Variants in SLC8A3 observed in about 807,000 individuals in gnomAD.
The protein encoded by SLC8A3 is sodium/calcium exchanger 3.
SLC8A3 carries 37 observed loss-of-function variants against 65.4 expected under a neutral mutation model. That is an observed-to-expected ratio of 0.57 (90% confidence interval 0.44 to 0.74). The LOEUF (loss-of-function observed/expected upper bound fraction) is 0.74. SLC8A3 is among the 30% of genes least tolerant of loss of function. SLC8A3 has a pLI of 0.00. For synonymous variants in SLC8A3, 461 were observed against 444.5 expected, an observed-to-expected ratio of 1.04 and a Z score of -0.47; for missense variants, 1,112 against 1,172.1, an observed-to-expected ratio of 0.95 and a Z score of 0.75.
chr14:70,178,338 G>A (rs1287535008), intron 1 of SLC8A3, among the ~76,000 whole-genome samples: 1 of 152,220 alleles, frequency 6.6e-6, no homozygotes, highest in African/African-American at 2.4e-5. Context: ...CTCTGAAGAT[G>A]CACTGATGAA....
intron 2 of SLC8A3, among the ~76,000 whole-genome samples, chr14:70,154,139 A>G (rs11846266): frequency 0.2 from 30,487 of 152,162 alleles, 3,222 homozygotes; most frequent in Middle Eastern, 0.25. Flanking sequence ...AACTCCTTAA[A>G]GAAGAAACGT....
intron 2 of SLC8A3, among the ~76,000 whole-genome samples, chr14:70,165,333 G>C (rs1897107145): frequency 6.6e-6 from 1 of 152,090 alleles, no homozygotes; most frequent in African/African-American, 2.4e-5. Flanking sequence ...GCTGGACCTG[G>C]GCAGAAGCAC....
At chr14:70,156,147 T>C (rs1458640827) in intron 2 of SLC8A3, among the ~76,000 whole-genome samples, 1 of 152,166 alleles carries the variant, frequency 6.6e-6, no homozygotes, top group Non-Finnish European at 1.5e-5. Context: ...CAAAACTCAC[T>C]AGGTTAGCAG....
At chr14:70,070,991 G>A (rs1889956073) in intron 2 of SLC8A3, among the ~76,000 whole-genome samples, 1 of 152,192 alleles carries the variant, frequency 6.6e-6, no homozygotes, top group African/African-American at 2.4e-5. Context: ...GTCTGCTCTG[G>A]TATACCACTG....
intron 2 of SLC8A3, among the ~76,000 whole-genome samples, chr14:70,105,316 G>A (rs1248937260): frequency 1.3e-5 from 2 of 152,080 alleles, no homozygotes; most frequent in African/African-American, 2.4e-5. Flanking sequence ...GCGACAAAGC[G>A]AGACTCTGTC....
chr14:70,171,834 G>A (rs1043192936), intron 1 of SLC8A3, among the ~76,000 whole-genome samples: 1 of 151,670 alleles, frequency 6.6e-6, no homozygotes, highest in African/African-American at 2.4e-5. Context: ...AGGCAAGGCG[G>A]TGAGATGGCT....
At chr14:70,184,523 C>G (rs1241462485) in intron 1 of SLC8A3, among the ~76,000 whole-genome samples, 1 of 152,322 alleles carries the variant, frequency 6.6e-6, no homozygotes, top group Non-Finnish European at 1.5e-5. Flanking sequence ...CTCCTCTCCT[C>G]TTTACTTCCT....
intron 2 of SLC8A3, among the ~76,000 whole-genome samples, chr14:70,110,038 AT>A (rs538601058): frequency 6.7e-4 from 99 of 147,868 alleles, no homozygotes; most frequent in South Asian, 4.1e-3. Flanking sequence ...TATTTTCTTA[AT>A]TTTTTTTTTT....
chr14:70,060,500 T>A, intron 3 of SLC8A3: 1 of 421,944 alleles, frequency 2.4e-6, no homozygotes, highest in Non-Finnish European at 4.6e-6. Flanking sequence ...CAGGGGCCCA[T>A]GGCAATTGAA....
chr14:70,121,796 T>G (rs1436184516), intron 2 of SLC8A3, among the ~76,000 whole-genome samples: 1 of 151,754 alleles, frequency 6.6e-6, no homozygotes. Context: ...TTCTTTTCAA[T>G]GAGGCTTTCT....
chr14:70,187,795 G>A (rs1883450091), intron 1 of SLC8A3, among the ~76,000 whole-genome samples: 1 of 152,064 alleles, frequency 6.6e-6, no homozygotes, highest in Non-Finnish European at 1.5e-5. Flanking sequence ...CCAGCGGTGG[G>A]TGCTCTGGGG....
intron 2 of SLC8A3, among the ~76,000 whole-genome samples, chr14:70,158,859 A>G (rs1420594329): frequency 2.6e-5 from 4 of 152,214 alleles, no homozygotes; most frequent in African/African-American, 9.7e-5. Context: ...AATTCCTATG[A>G]ATGATAACTC....
chr14:70,067,612 C>A (rs1889579758), intron 2 of SLC8A3, among the ~76,000 whole-genome samples: 2 of 152,158 alleles, frequency 1.3e-5, no homozygotes, highest in South Asian at 4.1e-4. Context: ...ATCCACTCAT[C>A]TTTTTGCAGC....
intron 2 of SLC8A3, among the ~76,000 whole-genome samples, chr14:70,067,752 C>T (rs1889596216): frequency 6.6e-6 from 1 of 152,208 alleles, no homozygotes; most frequent in African/African-American, 2.4e-5. Flanking sequence ...CTTAACATAC[C>T]ACATTTGTCT....
intron 1 of SLC8A3, among the ~76,000 whole-genome samples, chr14:70,176,935 C>A (rs141799305): frequency 1.4e-4 from 22 of 152,350 alleles, no homozygotes; most frequent in African/African-American, 4.3e-4. Flanking sequence ...TTCCTCATGG[C>A]CTCTTTGTTC....
At chr14:70,133,625 C>A (rs12590688) in intron 2 of SLC8A3, among the ~76,000 whole-genome samples, 40,543 of 151,918 alleles carry the variant, frequency 0.27, 6,003 homozygotes, top group East Asian at 0.5. Context: ...AGGATGCCAC[C>A]CTTGATGGTT....
chr14:70,087,465 G>T (rs560081890), intron 2 of SLC8A3, among the ~76,000 whole-genome samples: 1 of 152,292 alleles, frequency 6.6e-6, no homozygotes, highest in African/African-American at 2.4e-5. Flanking sequence ...GTGTCCAGCA[G>T]GTTCAGACAC....
Position 70,046,256 on chromosome 14 carries a change from C to T in SLC8A3, c.2457G>A (p.Thr819=), listed in dbSNP as rs148785844. Residue 819 remains threonine, a synonymous_variant, in exon 7 of 7, where the codon ACG becomes ACA. Transcript: ENST00000356921. The surrounding 1 kb of genome is among the most constrained non-coding windows in gnomAD (Gnocchi z 4.2). ...GGAAGACATTGACGGCGTTGCTGCC[C>T]GTCACGTTGCCAATGGAGGCGTCTG... The part of the protein sequence containing the change: ...VYADASIGNV[T]GSNAVNVFLG... 79 of 1,614,034 alleles carry T rather than the reference C, an allele frequency of 4.9e-5. No homozygotes were observed. Among genetic ancestry groups the T allele is most frequent in the African/African-American group, 2.4e-4 (18 of 74,936 alleles).
intron 2 of SLC8A3, among the ~76,000 whole-genome samples, chr14:70,113,047 C>T (rs1479078650): frequency 5.9e-4 from 7 of 11,782 alleles, no homozygotes; most frequent in South Asian, 2.4e-3. Flanking sequence ...TTGGGGTCCA[C>T]GATTCAACTA....
Sources: gnomAD v4.1 joint callset for allele counts (sites outside exome capture counted in the v4.1 genomes callset) on GRCh38, gnomAD v4.1.1 for gene constraint, Gnocchi (gnomAD v3.1) non-coding constraint, MANE v1.5 for transcripts, NCBI Gene and HGNC (gene_info 2026-07-23, HGNC 2026-07-21) for gene names.